The following SORCS1 variants were observed in gnomAD, a reference collection of about 807,000 sequenced individuals.
The protein encoded by SORCS1 is VPS10 domain-containing receptor SorCS1.
SORCS1 carries 60 observed loss-of-function variants against 146.1 expected under a neutral mutation model. The ratio of observed to expected loss-of-function variants is 0.41; its 90% CI spans 0.33 to 0.51. The LOEUF (loss-of-function observed/expected upper bound fraction) is 0.51, where lower values mean the gene tolerates loss of function less well. Ranked by LOEUF, SORCS1 falls within the 20% of genes least tolerant of loss-of-function variation. SORCS1 has a pLI of 0.21. For missense variants in SORCS1, 1,352 were observed against 1,487.6 expected, an observed-to-expected ratio of 0.91 and a Z score of 1.50; for synonymous variants, 637 against 584.0, an observed-to-expected ratio of 1.09 and a Z score of -1.31.
chr10:106,672,963 G>T lies in SORCS1; in HGVS notation c.1963C>A (p.Arg655Ser). ...IMTVFGHFSH[R>S]SEWQLVKVDY... ...ACTTTGACCAGCTGCCATTCAGAGC[G>T]GTGGCTGAAGTGTCCAAACACTCTA... The change falls in exon 15 of 26, where the codon CGC (arginine) becomes AGC (serine). Residue 655 changes from arginine (R) to serine (S), a missense_variant. Transcript: ENST00000263054. 1.9e-6 allele frequency: 3 copies of T among 1,613,884 alleles called. No individual in the cohort carries two copies. Among genetic ancestry groups the T allele is most frequent in the Non-Finnish European group, 2.5e-6 (3 of 1,179,942 alleles).
intron 2 of SORCS1, among the ~76,000 whole-genome samples, chr10:106,842,053 G>C (rs577890366): frequency 3.9e-5 from 6 of 152,212 alleles, no homozygotes; most frequent in South Asian, 4.1e-4. Flanking sequence ...CAGTGAATCA[G>C]AGTTCCTGTT....
At position 106,573,758 on chromosome 10, in the gene SORCS1, T is replaced by TA. The variant is rs979665881; in HGVS notation, c.*3661dup. 9 of 152,380 alleles carry TA rather than the reference T, an allele frequency of 5.9e-5. No homozygotes were observed. Among genetic ancestry groups the TA allele is most frequent in the African/African-American group, 1.9e-4 (8 of 41,532 alleles). The allele number at this position is 152,380 out of a possible 1,614,324, so 9.4% of individuals were successfully genotyped here. On this transcript the variant is annotated 3_prime_UTR_variant, in exon 26 of 26. Transcript: ENST00000263054. ...TAGTACATACATTCTGCCTTGTTAG[T>TA]AAAAAACAGCCAAAAACCTCAAGCC... is the stretch of plus-strand genomic sequence containing the variant.
At chr10:107,077,340 C>T (rs1042153117) in intron 1 of SORCS1, among the ~76,000 whole-genome samples, 1 of 152,064 alleles carries the variant, frequency 6.6e-6, no homozygotes, top group African/African-American at 2.4e-5. Flanking sequence ...ATTCTAAACT[C>T]AGTCTTAAAA....
intron 18 of SORCS1, among the ~76,000 whole-genome samples, chr10:106,643,107 T>G (rs7069395): frequency 0.14 from 21,426 of 152,170 alleles, 2,116 homozygotes; most frequent in East Asian, 0.31. Flanking sequence ...ATACCATAGA[T>G]CCTGGATTAG....
intron 2 of SORCS1, among the ~76,000 whole-genome samples, chr10:106,906,077 G>C (rs1951897283): frequency 1.3e-5 from 2 of 152,144 alleles, no homozygotes; most frequent in South Asian, 4.1e-4. Flanking sequence ...TGCTGATAAA[G>C]ACATACCCAA....
intron 1 of SORCS1, among the ~76,000 whole-genome samples, chr10:107,081,567 C>A (rs1478614580): frequency 2.0e-5 from 3 of 152,122 alleles, no homozygotes; most frequent in Admixed American, 6.5e-5. Context: ...GCAATTAATT[C>A]TCTCCTTATT....
In SORCS1 at chr10:106,688,286, A is replaced by G; in HGVS notation, c.1466T>C (p.Val489Ala). ...TTTGTTATATGTGATGAAAGTCTTC[A>G]CTTGGTTGTCAATCTTCTTGTTAGC... is the stretch of plus-strand genomic sequence containing the variant. ...FLANKKIDNQ[V>A]KTFITYNKGR... Residue 489 changes from valine to alanine, a missense_variant, in exon 10 of 26, where the codon GTG becomes GCG. Around this residue, in one of 3 missense-constraint regions of SORCS1, gnomAD observed 648 missense variants for 793.8 expected, o/e 0.82. Transcript: ENST00000263054. 6.2e-7 allele frequency: 1 copy of G among 1,614,046 alleles called. No individual in the cohort carries two copies. Among genetic ancestry groups the G allele is most frequent in the Non-Finnish European group, 8.5e-7 (1 of 1,179,922 alleles).
chr10:106,726,930 C>CA (rs1049528215), intron 6 of SORCS1, among the ~76,000 whole-genome samples: 34 of 151,940 alleles, frequency 2.2e-4, no homozygotes, highest in Admixed American at 2.2e-3. Flanking sequence ...ACTAAAAATA[C>CA]AAAAAATTAG....
chr10:107,069,276 C>T (rs1354811338), intron 1 of SORCS1, among the ~76,000 whole-genome samples: 1 of 152,200 alleles, frequency 6.6e-6, no homozygotes, highest in Non-Finnish European at 1.5e-5. Context: ...ATCACCACCT[C>T]CAGAGCTGAA....
At chr10:107,177,711 C>A in the SORCS1 span, among the ~76,000 whole-genome samples, 2 of 152,128 alleles carry the variant, frequency 1.3e-5, no homozygotes, top group African/African-American at 4.8e-5. Flanking sequence ...ATATCCATCA[C>A]CTTGAATGTT....
At chr10:106,673,847 G>A (rs1050636519) in intron 14 of SORCS1, among the ~76,000 whole-genome samples, 14 of 152,144 alleles carry the variant, frequency 9.2e-5, no homozygotes, top group African/African-American at 3.4e-4. Flanking sequence ...CCATAGGTTT[G>A]AAGAAAAGCC....
At chr10:106,578,740 T>C (rs1158248248) in intron 25 of SORCS1, 1 of 1,107,270 alleles carries the variant, frequency 9.0e-7, no homozygotes, top group African/African-American at 1.6e-5. Context: ...AGCCCTCTGG[T>C]CCACCAGCCT....
chr10:106,690,455 T>C (rs1399825194), intron 9 of SORCS1, among the ~76,000 whole-genome samples: 1 of 152,232 alleles, frequency 6.6e-6, no homozygotes, highest in African/African-American at 2.4e-5. Context: ...CCTCTCCCTC[T>C]TCTGGCAAGG....
At chr10:107,058,081 G>A (rs779570051) in intron 1 of SORCS1, among the ~76,000 whole-genome samples, 9 of 151,808 alleles carry the variant, frequency 5.9e-5, no homozygotes, top group African/African-American at 1.9e-4. Context: ...TTGCTCTGTC[G>A]CCCAGGCTGG....
intron 7 of SORCS1, among the ~76,000 whole-genome samples, chr10:106,707,385 G>C (rs562038966): frequency 6.6e-6 from 1 of 151,898 alleles, no homozygotes; most frequent in South Asian, 2.1e-4. Context: ...GAGATGGTGG[G>C]GGGGAGGGTT....
chr10:107,153,952 T>A (rs1009016425), intron 1 of SORCS1, among the ~76,000 whole-genome samples: 30 of 151,464 alleles, frequency 2.0e-4, no homozygotes, highest in Admixed American at 2.0e-4. Context: ...CAGTATATAA[T>A]AATTGAAAAA....
chr10:106,836,474 CA>C (rs68181690), intron 2 of SORCS1, among the ~76,000 whole-genome samples: 2,670 of 77,782 alleles, frequency 0.034, 50 homozygotes, highest in African/African-American at 0.12. Flanking sequence ...GACTCGGTCT[CA>C]AAAAAAAAAA....
chr10:106,744,084 T>A (rs905939411), intron 5 of SORCS1, among the ~76,000 whole-genome samples: 1 of 152,164 alleles, frequency 6.6e-6, no homozygotes, highest in Non-Finnish European at 1.5e-5. Flanking sequence ...TGGTAATATC[T>A]ATCGTTTTAC....
chr10:106,841,711 C>A lies in SORCS1; in HGVS notation c.627-12038G>T, dbSNP rs112837467. Among the ~76,000 whole-genome samples the A allele has an allele frequency of 6.2e-3, 947 of 152,278 alleles. 10 individuals carry two copies. The highest frequency in any genetic ancestry group is 0.022 in the African/African-American group (914 of 41,554). On this transcript the variant is annotated intron_variant, in intron 2 of 25. Coordinates refer to ENST00000263054, the MANE Select transcript of SORCS1 (RefSeq NM_052918.5). ...CTAGCCTGTTCAGATTGGCTTCTTT[C>A]ACTTAGTGATATACATCTCAGCTTC... is the stretch of plus-strand genomic sequence containing the variant.
Sources: gnomAD v4.1 joint callset for allele counts (sites outside exome capture counted in the v4.1 genomes callset) on GRCh38, gnomAD v4.1.1 for gene constraint, gnomAD v4.1.1 regional missense constraint, MANE v1.5 for transcripts, NCBI Gene and HGNC (gene_info 2026-07-23, HGNC 2026-07-21) for gene names.